BLOC1S5: variants seen among roughly 807,000 people sequenced by gnomAD.
BLOC1S5 encodes the protein biogenesis of lysosome-related organelles complex 1 subunit 5.
Under a neutral mutation model 24.3 loss-of-function variants are expected in BLOC1S5, and 27 were observed. The ratio of observed to expected loss-of-function variants is 1.11; its 90% CI spans 0.82 to 1.53. BLOC1S5 has a LOEUF of 1.53. Among genes scored for constraint, BLOC1S5 ranks in the 40% most tolerant of loss-of-function variants. The pLI, the probability that BLOC1S5 is intolerant of heterozygous loss-of-function variation, is 0.00. For missense variants in BLOC1S5, 239 were observed against 229.4 expected, an observed-to-expected ratio of 1.04 and a Z score of -0.27; for synonymous variants, 84 against 74.5, an observed-to-expected ratio of 1.13 and a Z score of -0.66.
chr6:8,016,171 C>T (rs1646472440), intron 4 of BLOC1S5, among the ~76,000 whole-genome samples: 2 of 151,864 alleles, frequency 1.3e-5, no homozygotes, highest in Non-Finnish European at 2.9e-5. Context: ...ACTAAAAATA[C>T]AAAAATTAGC....
chr6:8,033,932 C>A (rs1763392355), intron 3 of BLOC1S5, among the ~76,000 whole-genome samples: 1 of 152,150 alleles, frequency 6.6e-6, no homozygotes, highest in South Asian at 2.1e-4. Flanking sequence ...CAATGAGATG[C>A]CATCTCACAC....
intron 4 of BLOC1S5, among the ~76,000 whole-genome samples, chr6:8,021,962 A>C (rs140669168): frequency 6.6e-6 from 1 of 152,334 alleles, no homozygotes; most frequent in African/African-American, 2.4e-5. Context: ...ACAGAGAAAG[A>C]AATAATAAAC....
At chr6:8,055,318 C>T (rs1764270743) in intron 2 of BLOC1S5, among the ~76,000 whole-genome samples, 1 of 152,118 alleles carries the variant, frequency 6.6e-6, no homozygotes, top group East Asian at 1.9e-4. Flanking sequence ...GCCTGCAATT[C>T]CAGCTACTTG....
intron 2 of BLOC1S5, among the ~76,000 whole-genome samples, chr6:8,046,655 ATT>A (rs35169230): frequency 3.3e-5 from 5 of 151,940 alleles, no homozygotes; most frequent in African/African-American, 9.7e-5. Flanking sequence ...CTCATGACTG[ATT>A]TTTTTCCCCT....
intron 2 of BLOC1S5, among the ~76,000 whole-genome samples, chr6:8,049,231 C>A (rs910159385): frequency 1.3e-5 from 2 of 151,882 alleles, no homozygotes; most frequent in Non-Finnish European, 2.9e-5. Context: ...ATTAGCCGGG[C>A]GTGGTGGCAG....
At chr6:8,051,051 G>A (rs1764089977) in intron 2 of BLOC1S5, among the ~76,000 whole-genome samples, 1 of 152,072 alleles carries the variant, frequency 6.6e-6, no homozygotes, top group African/African-American at 2.4e-5. Flanking sequence ...AGCTGAGCAG[G>A]GTGGTGCACA....
At chr6:8,041,044 C>A (rs1763660897) in intron 3 of BLOC1S5, 95 bp downstream of exon 3, 7 of 1,383,582 alleles carry the variant, frequency 5.1e-6, no homozygotes, top group Non-Finnish European at 6.8e-6. Context: ...GCTTCCCTCT[C>A]CCTCTCCACC....
chr6:8,051,218 G>A (rs66981710), intron 2 of BLOC1S5, among the ~76,000 whole-genome samples: 7,869 of 151,564 alleles, frequency 0.052, 410 homozygotes, highest in East Asian at 0.18. Context: ...GTGAACACAC[G>A]AATGATAAGA....
At chr6:8,056,726 T>C (rs556006902) in intron 2 of BLOC1S5, among the ~76,000 whole-genome samples, 25 of 152,188 alleles carry the variant, frequency 1.6e-4, no homozygotes, top group Non-Finnish European at 2.8e-4. Flanking sequence ...TCCAGGGTGC[T>C]CCTGAAATTG....
rs756102638 is a variant in BLOC1S5, at chr6:8,062,618, T to C, written c.113-2A>G. On this transcript the variant is annotated splice_acceptor_variant, in intron 1 of 4. Transcript: ENST00000397457. LOFTEE classifies it high-confidence loss of function. ...GCCTTGAATGAATTTCTCCAAGATC[T>C]ATAAAGATAAAATGAAATTCAGGGT... 6.3e-7 allele frequency: 1 copy of C among 1,582,116 alleles called. No individual in the cohort carries two copies. The highest frequency in any genetic ancestry group is 8.6e-7 in the Non-Finnish European group (1 of 1,157,028).
At chr6:8,064,197 G>C (rs1264050152) in intron 1 of BLOC1S5, 68 bp downstream of exon 1, 3 of 1,390,414 alleles carry the variant, frequency 2.2e-6, no homozygotes, top group South Asian at 2.7e-5. Flanking sequence ...GCCCGGGTCA[G>C]AGGGCGCCGC....
intron 2 of BLOC1S5, among the ~76,000 whole-genome samples, chr6:8,051,245 T>C (rs578189113): frequency 6.6e-6 from 1 of 152,038 alleles, no homozygotes; most frequent in Admixed American, 6.5e-5. Flanking sequence ...AACAGCCTTA[T>C]TGCTGATAGG....
At position 8,022,567 on chromosome 6, in the gene BLOC1S5, T is replaced by C. The variant is rs968083460; in HGVS notation, c.384+3800A>G. On this transcript the variant is annotated intron_variant, in intron 4 of 4. Transcript: ENST00000397457. ...TATATGTTACTCTATTTTCAAACTC[T>C]ATTTTTTTTTTCTTTTTTTTTTTTC... Among the ~76,000 whole-genome samples the C allele has an allele frequency of 9.7e-5, 8 of 82,746 alleles. 2 individuals carry two copies. The highest frequency in any genetic ancestry group is 2.5e-4 in the African/African-American group (6 of 24,392). 54.3% of individuals were successfully genotyped at this position (82,746 alleles called of 152,430 possible).
At chr6:8,016,471 T>C (rs1360625418) in intron 4 of BLOC1S5, among the ~76,000 whole-genome samples, 2 of 152,202 alleles carry the variant, frequency 1.3e-5, no homozygotes, top group East Asian at 3.8e-4. Flanking sequence ...AAATATATGC[T>C]AAAAGAATCA....
rs1561851384 is a variant in BLOC1S5, at chr6:8,015,719, T to C, written c.494A>G (p.Lys165Arg). Residue 165 changes from lysine (K) to arginine (R), a missense_variant, in exon 5 of 5, where the codon AAA becomes AGA. Physicochemically the swap from Lys to Arg is conservative, Grantham distance 26. Coordinates refer to ENST00000397457, the MANE Select transcript of BLOC1S5 (RefSeq NM_201280.3). ...KRAEVDEEHR[K>R]AMERLKEQYA... ...TTGTTCTTTAAGCCTTTCCATGGCT[T>C]TTCTGTGCTCTTCATCCACTTCAGC... The C allele has an allele frequency of 1.9e-6, 3 of 1,614,192 alleles. No individual in the cohort carries two copies. The highest frequency in any genetic ancestry group is 2.5e-6 in the Non-Finnish European group (3 of 1,180,022).
chr6:8,044,244 A>G (rs1763792485), intron 2 of BLOC1S5, among the ~76,000 whole-genome samples: 2 of 137,640 alleles, frequency 1.5e-5, no homozygotes, highest in Admixed American at 1.7e-4. Context: ...AGATTGTGCC[A>G]CTGCTCTCCA....
intron 3 of BLOC1S5, among the ~76,000 whole-genome samples, chr6:8,027,665 C>A (rs1210708513): frequency 6.6e-6 from 1 of 152,072 alleles, no homozygotes; most frequent in Non-Finnish European, 1.5e-5. Flanking sequence ...GAAACTCTGT[C>A]TCTACTAAAA....
intron 3 of BLOC1S5, among the ~76,000 whole-genome samples, chr6:8,036,163 C>A (rs60407165): frequency 0.039 from 5,933 of 152,140 alleles, 364 homozygotes; most frequent in African/African-American, 0.13. Flanking sequence ...TTAAAAATTT[C>A]TTGAAACAAA....
intron 4 of BLOC1S5, among the ~76,000 whole-genome samples, chr6:8,016,281 G>A (rs1762730629): frequency 6.6e-6 from 1 of 151,336 alleles, no homozygotes. Flanking sequence ...AGCTGAGATG[G>A]CACCACTGCA....
Sources: gnomAD v4.1 joint callset for allele counts (sites outside exome capture counted in the v4.1 genomes callset) on GRCh38, gnomAD v4.1.1 for gene constraint, MANE v1.5 for transcripts, NCBI Gene and HGNC (gene_info 2026-07-23, HGNC 2026-07-21) for gene names.